PDE1C: variants seen among roughly 807,000 people sequenced by gnomAD.
PDE1C encodes the protein phosphodiesterase 1C.
A neutral mutation model predicts 93.1 loss-of-function variants in PDE1C; 62 were observed. The ratio of observed to expected loss-of-function variants is 0.67; its 90% CI spans 0.54 to 0.82. The LOEUF (loss-of-function observed/expected upper bound fraction) is 0.82. Ranked by LOEUF, PDE1C falls within the 40% of genes least tolerant of loss-of-function variation. The pLI, the probability that PDE1C is intolerant of heterozygous loss-of-function variation, is 0.00. For missense variants in PDE1C, 742 were observed against 884.6 expected (o/e 0.84, Z 2.04); for synonymous variants, 325 against 310.1 (o/e 1.05, Z -0.50).
chr7:31,661,430 G>A, the PDE1C span, among the ~76,000 whole-genome samples: 1 of 152,040 alleles, frequency 6.6e-6, no homozygotes, highest in South Asian at 2.1e-4. Context: ...TGGGAATATT[G>A]GGCCAGGCGC....
chr7:32,111,650 C>T (rs1798647192), intron 3 of PDE1C, among the ~76,000 whole-genome samples: 1 of 152,114 alleles, frequency 6.6e-6, no homozygotes, highest in African/African-American at 2.4e-5. Context: ...GGACCATAGT[C>T]AGACAGCAGC....
chr7:32,233,802 C>T (rs1807877782), intron 1 of PDE1C, among the ~76,000 whole-genome samples: 1 of 152,048 alleles, frequency 6.6e-6, no homozygotes, highest in East Asian at 1.9e-4. Context: ...AGATGTAGAA[C>T]TCAATGCCAT....
chr7:31,769,933 G>A (rs1479434740), intron 17 of PDE1C, among the ~76,000 whole-genome samples: 1 of 152,178 alleles, frequency 6.6e-6, no homozygotes, highest in Non-Finnish European at 1.5e-5. Context: ...TAAAATGTAT[G>A]AGTACTTCAT....
At chr7:31,762,390 G>T (rs1417215284) in intron 17 of PDE1C, among the ~76,000 whole-genome samples, 1 of 152,076 alleles carries the variant, frequency 6.6e-6, no homozygotes, top group Admixed American at 6.5e-5. Context: ...ACCCAGCCTG[G>T]AGTGCAGTGG....
At chr7:32,077,240 A>T (rs1198683625) in intron 3 of PDE1C, among the ~76,000 whole-genome samples, 1 of 152,166 alleles carries the variant, frequency 6.6e-6, no homozygotes, top group Non-Finnish European at 1.5e-5. Context: ...ATTCTATCTT[A>T]AAAAACAAAC....
chr7:32,049,993 CTATTGCTCCTAGGCTACAA>C (rs1223909335), intron 2 of PDE1C, among the ~76,000 whole-genome samples: 1 of 152,162 alleles, frequency 6.6e-6, no homozygotes. Context: ...TTGGTATAGC[CTATTGCTCCTAGGCTACAA>C]ACTTGTACAG....
intron 1 of PDE1C, among the ~76,000 whole-genome samples, chr7:32,425,826 A>G (rs566197151): frequency 1.3e-5 from 2 of 152,250 alleles, no homozygotes; most frequent in African/African-American, 4.8e-5. Context: ...CTGTAGTCCC[A>G]ACTACTCAGG....
intron 2 of PDE1C, among the ~76,000 whole-genome samples, chr7:31,963,290 C>A (rs112990915): frequency 6.6e-6 from 1 of 152,176 alleles, no homozygotes; most frequent in Non-Finnish European, 1.5e-5. Flanking sequence ...TAACACCAAA[C>A]GTTATGCTGA....
the PDE1C span, among the ~76,000 whole-genome samples, chr7:31,690,701 C>T: frequency 0.013 from 1,925 of 152,244 alleles, 33 homozygotes; most frequent in Non-Finnish European, 0.014. Context: ...AGTTAAAAAC[C>T]GCCTTACCTT....
intron 1 of PDE1C, among the ~76,000 whole-genome samples, chr7:32,353,834 A>C (rs1783979164): frequency 6.6e-6 from 1 of 152,162 alleles, no homozygotes; most frequent in Non-Finnish European, 1.5e-5. Context: ...TTGGGAGCTG[A>C]AATGAAAACA....
intron 1 of PDE1C, among the ~76,000 whole-genome samples, chr7:32,356,021 T>A (rs534444762): frequency 1.3e-5 from 2 of 152,336 alleles, no homozygotes; most frequent in South Asian, 2.1e-4. Context: ...ACTGATAATA[T>A]CTTGACAGAT....
At position 32,311,603 on chromosome 7, in the gene PDE1C, C is replaced by T. The variant is rs560529780; in HGVS notation, c.311-102064G>A. On this transcript the variant is annotated intron_variant, in intron 1 of 1. Coordinates refer to the PDE1C transcript ENST00000672256. ...TGGGATGCAAGGCTGGTTCAATATA[C>T]GCAAATCAATAAATGTAATCCAGCA... Among the ~76,000 whole-genome samples, 84 of 152,122 alleles carry T rather than the reference C, an allele frequency of 5.5e-4. 1 individual carries two copies. The East Asian group carries it at 0.011, about 20-fold the overall frequency.
chr7:32,151,787 C>T (rs991982456), intron 3 of PDE1C, among the ~76,000 whole-genome samples: 2 of 152,094 alleles, frequency 1.3e-5, no homozygotes, highest in Non-Finnish European at 2.9e-5. Flanking sequence ...GGAGTTACAA[C>T]AGAGAACGAA....
chr7:31,618,315 A>G, the PDE1C span, among the ~76,000 whole-genome samples: 2 of 151,170 alleles, frequency 1.3e-5, no homozygotes, highest in Non-Finnish European at 2.9e-5. Context: ...GTTCATGAGA[A>G]AATCCAAAGG....
At chr7:31,808,280 C>G in intron 16 of PDE1C, 1 of 382,706 alleles carries the variant, frequency 2.6e-6, no homozygotes, top group South Asian at 2.0e-5. Context: ...AAAACCACTC[C>G]GTGGAAACTT....
intron 3 of PDE1C, among the ~76,000 whole-genome samples, chr7:32,159,322 A>G (rs1437135875): frequency 6.6e-6 from 1 of 152,212 alleles, no homozygotes; most frequent in Non-Finnish European, 1.5e-5. Flanking sequence ...GTAAATAGGA[A>G]CAAATATTTC....
At chr7:32,293,344 CG>C (rs1812450332) in intron 1 of PDE1C, among the ~76,000 whole-genome samples, 1 of 152,094 alleles carries the variant, frequency 6.6e-6, no homozygotes, top group Non-Finnish European at 1.5e-5. Context: ...CCCCTAAAAG[CG>C]GGCACTCTAA....
chr7:32,417,318 A>G (rs957672241), intron 1 of PDE1C, among the ~76,000 whole-genome samples: 1 of 151,080 alleles, frequency 6.6e-6, no homozygotes, highest in Admixed American at 6.6e-5. Context: ...GCTTAGCCTT[A>G]GTGGTAAGGA....
intron 1 of PDE1C, among the ~76,000 whole-genome samples, chr7:32,309,354 G>C (rs1430842852): frequency 6.6e-6 from 1 of 152,114 alleles, no homozygotes; most frequent in South Asian, 2.1e-4. Context: ...AACTTCCCCA[G>C]TCCAGCAAGG....
Sources: allele counts gnomAD v4.1 joint callset (sites outside exome capture counted in the v4.1 genomes callset), GRCh38; gene constraint gnomAD v4.1.1; transcripts MANE v1.5; gene names NCBI Gene and HGNC (gene_info 2026-07-23, HGNC 2026-07-21).